Variants in FOXP2 observed in about 807,000 individuals in gnomAD.
FOXP2 encodes forkhead box P2.
In FOXP2, 12 loss-of-function variants were observed where a neutral mutation model predicts 115.8. The ratio of observed to expected loss-of-function variants is 0.10; its 90% confidence interval spans 0.07 to 0.17. The LOEUF (loss-of-function observed/expected upper bound fraction) is 0.17. Among genes scored for constraint, FOXP2 ranks in the 10% least tolerant of loss-of-function variants. FOXP2 has a pLI of 1.00. For missense variants in FOXP2, 629 were observed against 843.5 expected (o/e 0.75, Z 3.15); for synonymous variants, 328 against 297.7 (o/e 1.10, Z -1.05).
chr7:114,345,982 T>C lies in FOXP2; in HGVS notation c.-11+57873T>C, dbSNP rs143419794. Among the ~76,000 whole-genome samples the C allele has an allele frequency of 3.8e-3, 581 of 151,878 alleles. 9 individuals carry two copies. Among genetic ancestry groups the C allele is most frequent in the East Asian group, 0.028 (147 of 5,166 alleles). ...TTAATATTTGGCTGCATAGTTATAG[T>C]TTTTATAGTTTTCACAAACAGCAAT... On this transcript the variant is annotated intron_variant, in intron 2 of 17. Coordinates refer to the FOXP2 transcript ENST00000634411.
intron 1 of FOXP2, among the ~76,000 whole-genome samples, chr7:114,172,948 G>A (rs1584522854): frequency 6.6e-6 from 1 of 151,982 alleles, no homozygotes; most frequent in African/African-American, 2.4e-5. Flanking sequence ...CCATAGATGA[G>A]GACCTGTCTA....
chr7:114,656,579 C>A, intron 10 of FOXP2: 1 of 418,024 alleles, frequency 2.4e-6, no homozygotes, highest in Non-Finnish European at 4.8e-6. Flanking sequence ...GGAGCATTAT[C>A]TCAGCTTTCA....
intron 8 of FOXP2, among the ~76,000 whole-genome samples, chr7:114,650,182 G>A (rs958120572): frequency 1.3e-5 from 2 of 151,896 alleles, no homozygotes; most frequent in African/African-American, 4.8e-5. Flanking sequence ...ACTTTTTTTA[G>A]TTCTTTAAAT....
chr7:114,524,044 T>G (rs1366558578), intron 2 of FOXP2, among the ~76,000 whole-genome samples: 1 of 152,196 alleles, frequency 6.6e-6, no homozygotes, highest in Non-Finnish European at 1.5e-5. Flanking sequence ...ACTGGGAATC[T>G]TCTATTTTAT....
chr7:114,160,274 G>A (rs575660540), upstream of FOXP2, among the ~76,000 whole-genome samples: 2 of 152,238 alleles, frequency 1.3e-5, no homozygotes, highest in East Asian at 3.9e-4. Flanking sequence ...AGACAGGAGT[G>A]CAGAAGATCA....
At chr7:114,274,772 T>C (rs1390249867) in intron 1 of FOXP2, among the ~76,000 whole-genome samples, 2 of 151,658 alleles carry the variant, frequency 1.3e-5, no homozygotes, top group Admixed American at 1.3e-4. Context: ...TGCACCACCA[T>C]GCCCGACTAG....
upstream of FOXP2, among the ~76,000 whole-genome samples, chr7:114,086,857 CT>C (rs1441575159): frequency 6.6e-6 from 1 of 152,140 alleles, no homozygotes; most frequent in Non-Finnish European, 1.5e-5. Flanking sequence ...TTTCATTTTG[CT>C]TTGTGATGGG....
intron 2 of FOXP2, among the ~76,000 whole-genome samples, chr7:114,334,233 T>A (rs540560976): frequency 3.9e-5 from 6 of 152,236 alleles, no homozygotes; most frequent in Non-Finnish European, 5.9e-5. Flanking sequence ...GATCATCCAT[T>A]CATTGCATGC....
At chr7:114,305,267 A>G (rs972751532) in intron 2 of FOXP2, among the ~76,000 whole-genome samples, 1 of 152,176 alleles carries the variant, frequency 6.6e-6, no homozygotes, top group East Asian at 1.9e-4. Flanking sequence ...ACGTTCATTG[A>G]AAAGAAGGAA....
intron 8 of FOXP2, among the ~76,000 whole-genome samples, chr7:114,646,801 A>G (rs1294373150): frequency 2.0e-5 from 3 of 151,952 alleles, no homozygotes; most frequent in Non-Finnish European, 4.4e-5. Context: ...AAAATATCTC[A>G]TTAAATGAAT....
At chr7:114,439,099 C>G (rs544366551) in intron 2 of FOXP2, among the ~76,000 whole-genome samples, 2 of 152,232 alleles carry the variant, frequency 1.3e-5, no homozygotes, top group South Asian at 4.1e-4. Flanking sequence ...TGTGTGAGGT[C>G]ATATAAATTG....
chr7:114,220,716 C>G (rs1000704243), intron 1 of FOXP2, among the ~76,000 whole-genome samples: 4 of 152,130 alleles, frequency 2.6e-5, no homozygotes, highest in African/African-American at 4.8e-5. Flanking sequence ...GAAACACCAC[C>G]ACTTTCATCA....
intron 2 of FOXP2, among the ~76,000 whole-genome samples, chr7:114,354,801 AG>A (rs1791577050): frequency 2.0e-5 from 3 of 152,200 alleles, no homozygotes; most frequent in Admixed American, 1.3e-4. Flanking sequence ...ATGTGAAAAA[AG>A]GTTCAAGTGA....
At position 114,311,901 on chromosome 7, in the gene FOXP2, C is replaced by A. The variant is rs374046887; in HGVS notation, c.-11+23792C>A. On this transcript the variant is annotated intron_variant, in intron 2 of 17. Coordinates refer to the FOXP2 transcript ENST00000634411. ...GGCCCTGGAACCTCTTTTGTTTTTG[C>A]CCCTCTACATGCTGCTGTATTTCAC... 1.5e-4 allele frequency among the ~76,000 whole-genome samples: 23 copies of A among 152,216 alleles called. No individual in the cohort carries two copies. The East Asian group carries it at 1.7e-3, about 12-fold the overall frequency.
At chr7:114,211,237 C>A (rs947526646) in intron 1 of FOXP2, among the ~76,000 whole-genome samples, 7 of 152,192 alleles carry the variant, frequency 4.6e-5, no homozygotes, top group African/African-American at 1.4e-4. Context: ...TACCAGGGAT[C>A]CCGGGGCCAG....
chr7:114,632,169 A>G (rs1257008719), intron 6 of FOXP2, among the ~76,000 whole-genome samples: 13 of 152,238 alleles, frequency 8.5e-5, no homozygotes, highest in African/African-American at 2.4e-5. Flanking sequence ...ATGAATTTCT[A>G]TAGAGCACAT....
intron 1 of FOXP2, among the ~76,000 whole-genome samples, chr7:114,127,717 A>G (rs1042769615): frequency 2.1e-4 from 32 of 152,190 alleles, no homozygotes; most frequent in African/African-American, 7.2e-4. Context: ...CATAAACTGC[A>G]TAGAGATCAG....
chr7:114,583,823 A>G (rs1801987430), intron 3 of FOXP2, among the ~76,000 whole-genome samples: 1 of 152,218 alleles, frequency 6.6e-6, no homozygotes, highest in African/African-American at 2.4e-5. Flanking sequence ...TTTTAACATG[A>G]TAATCAGAAT....
At chr7:114,621,208 T>A (rs575244961) in intron 3 of FOXP2, among the ~76,000 whole-genome samples, 9 of 152,210 alleles carry the variant, frequency 5.9e-5, no homozygotes, top group African/African-American at 2.2e-4. Context: ...AGCTAGTTTG[T>A]TTTTAATTTA....
Sources: allele counts gnomAD v4.1 joint callset (sites outside exome capture counted in the v4.1 genomes callset), GRCh38; gene constraint gnomAD v4.1.1; transcripts MANE v1.5; gene names NCBI Gene and HGNC (gene_info 2026-07-23, HGNC 2026-07-21).